The following CASZ1 variants were observed in gnomAD, a reference collection of about 807,000 sequenced individuals.
CASZ1 encodes zinc finger protein castor homolog 1.
CASZ1 carries 28 observed loss-of-function variants against 135.2 expected under a neutral mutation model. The ratio of observed to expected loss-of-function variants is 0.21; its 90% CI spans 0.15 to 0.28. The LOEUF (loss-of-function observed/expected upper bound fraction) is 0.28, where lower values mean the gene tolerates loss of function less well. Ranked by LOEUF, CASZ1 falls within the 10% of genes least tolerant of loss-of-function variation. The probability of loss-of-function intolerance (pLI) is 1.00; values close to 1 mark genes in which losing one functional copy is unlikely to be tolerated. For synonymous variants in CASZ1, 1,068 were observed against 1,073.4 expected, an observed-to-expected ratio of 0.99 and a Z score of 0.10; for missense variants, 2,161 against 2,453.3, an observed-to-expected ratio of 0.88 and a Z score of 2.52.
At chr1:10,731,206 C>G (rs1328302711) in intron 2 of CASZ1, among the ~76,000 whole-genome samples, 1 of 152,194 alleles carries the variant, frequency 6.6e-6, no homozygotes. Flanking sequence ...GTTACAAAGT[C>G]TCACATCAGG....
chr1:10,670,363 C>T (rs1643361900), intron 4 of CASZ1, among the ~76,000 whole-genome samples: 1 of 152,206 alleles, frequency 6.6e-6, no homozygotes, highest in South Asian at 2.1e-4. Flanking sequence ...GCTCAGATGC[C>T]CAAGGTCATA....
intron 4 of CASZ1, among the ~76,000 whole-genome samples, chr1:10,687,351 C>G (rs1245666548): frequency 6.6e-6 from 1 of 152,216 alleles, no homozygotes; most frequent in Non-Finnish European, 1.5e-5. Flanking sequence ...AAGAGACAGC[C>G]CTCTTGGCTT....
rs201967373 is a variant in CASZ1 at position 10,734,319 on chromosome 1, GA to G, written c.-77+26381del. Among the ~76,000 whole-genome samples the G allele has an allele frequency of 4.4e-3, 624 of 141,970 alleles. 3 individuals carry two copies. The highest frequency in any genetic ancestry group is 0.011 in the South Asian group (49 of 4,488). 93.1% of individuals were successfully genotyped at this position (141,970 alleles called of 152,430 possible). A position where few individuals can be genotyped will look rare whatever the true frequency, so the allele number is the denominator to read the frequency against. On this transcript the variant is annotated intron_variant, in intron 2 of 20. Transcript: ENST00000377022. ...AATCCCATGGCCGTGCCCTCCCTTG[GA>G]AAAAAAAAAAATTCTAGGAAACAAA...
In CASZ1 at chr1:10,694,640, G is replaced by C. The variant is rs1239894274; in HGVS notation, c.-23-728C>G. On this transcript the variant is annotated intron_variant, in intron 3 of 20. Transcript: ENST00000377022. This position sits in a 1 kb window ranked among gnomAD's most constrained non-coding sequence, Gnocchi z 6.6. ...CCGCCGCCCGGTGCGCCCGCCCGCC[G>C]CCCGCCGCCCGGTGCCGGAGTGAAT... Among the ~76,000 whole-genome samples the C allele has an allele frequency of 7.0e-6, 1 of 142,562 alleles. No individual in the cohort carries two copies. Among genetic ancestry groups the C allele is most frequent in the East Asian group, 2.1e-4 (1 of 4,760 alleles). 93.5% of individuals were successfully genotyped at this position (142,562 alleles called of 152,430 possible).
chr1:10,656,544 T>G, intron 8 of CASZ1, 102 bp downstream of exon 8: 1 of 872,612 alleles, frequency 1.1e-6, no homozygotes, highest in Non-Finnish European at 1.8e-6. Context: ...GTGGTGCAAC[T>G]AGAACTAACC....
At position 10,693,497 on chromosome 1, in the gene CASZ1, C is replaced by CAAAAAAAAAAA. The variant is rs1172496673; in HGVS notation, c.16+366_16+376dup. The stretch of plus-strand genomic sequence containing the variant: ...GACACACAAAGATCTTTGCAGAGAA[C>CAAAAAAAAAAA]AAAAAAAAAAAAAAAAAAAAAAAAA... On this transcript the variant is annotated intron_variant, in intron 4 of 20. Coordinates refer to ENST00000377022, the MANE Select transcript of CASZ1 (RefSeq NM_001079843.3). 1.7e-4 allele frequency among the ~76,000 whole-genome samples: 4 copies of CAAAAAAAAAAA among 23,286 alleles called. 1 individual carries two copies. The highest frequency in any genetic ancestry group is 7.2e-4 in the African/African-American group (4 of 5,586). The allele number at this position is 23,286 out of a possible 152,430, so 15.3% of individuals were successfully genotyped here. A position where few individuals can be genotyped will look rare whatever the true frequency, so the allele number is the denominator to read the frequency against.
intron 2 of CASZ1, among the ~76,000 whole-genome samples, chr1:10,734,856 C>A (rs76387717): frequency 6.6e-6 from 1 of 151,952 alleles, no homozygotes; most frequent in Non-Finnish European, 1.5e-5. Context: ...TGGGGTGCCA[C>A]GGAGGATCTG....
At chr1:10,658,863 G>A (rs34593019) in intron 6 of CASZ1, among the ~76,000 whole-genome samples, 4,397 of 152,306 alleles carry the variant, frequency 0.029, 102 homozygotes, top group Non-Finnish European at 0.045. Context: ...AGCATTCAGG[G>A]AGCATCAGGA....
rs1638231809 is a variant in CASZ1, at chr1:10,676,588, G to A, written c.17-11017C>T. Among the ~76,000 whole-genome samples, 1 of 152,070 alleles carries A rather than the reference G, an allele frequency of 6.6e-6. No homozygotes were observed. The highest frequency in any genetic ancestry group is 1.5e-5 in the Non-Finnish European group (1 of 68,018). Reference sequence around the variant, plus strand: ...TCTCCATCTCTCTCTGTGCCTCGGTGGACCAACCTGCCTAGGGGTGCCCTG... The same window carrying A: ...TCTCCATCTCTCTCTGTGCCTCGGTAGACCAACCTGCCTAGGGGTGCCCTG... On this transcript the variant is annotated intron_variant, in intron 4 of 20. Transcript: ENST00000377022. This position sits in a 1 kb window ranked among gnomAD's most constrained non-coding sequence, Gnocchi z 4.5.
chr1:10,787,810 C>T (rs554514963), intron 1 of CASZ1, among the ~76,000 whole-genome samples: 4 of 152,314 alleles, frequency 2.6e-5, no homozygotes, highest in East Asian at 1.9e-4. Context: ...AGAATCCACC[C>T]GCCATTAACC....
intron 2 of CASZ1, among the ~76,000 whole-genome samples, chr1:10,733,054 G>C (rs948206407): frequency 6.6e-6 from 1 of 152,192 alleles, no homozygotes; most frequent in Non-Finnish European, 1.5e-5. Context: ...TGGCTCTAGA[G>C]CAGAGATGTG....
intron 4 of CASZ1, among the ~76,000 whole-genome samples, chr1:10,672,940 G>A (rs984271455): frequency 2.0e-5 from 3 of 152,142 alleles, no homozygotes; most frequent in African/African-American, 7.2e-5. Flanking sequence ...TTTTATTAGC[G>A]CGTGTGCCTG....
At chr1:10,675,823 G>C (rs973582488) in intron 4 of CASZ1, among the ~76,000 whole-genome samples, 3 of 125,976 alleles carry the variant, frequency 2.4e-5, no homozygotes, top group African/African-American at 7.1e-5. Context: ...AAGGGAGAAA[G>C]TGGCCAGCTT....
At chr1:10,649,540 A>C (rs1015076811) in intron 13 of CASZ1, 103 bp from the exon 14 acceptor site, 2 of 1,316,236 alleles carry the variant, frequency 1.5e-6, no homozygotes, top group African/African-American at 1.5e-5. Context: ...GGACCCACCC[A>C]GCCCTCAGAG....
intron 2 of CASZ1, among the ~76,000 whole-genome samples, chr1:10,708,968 GGGA>G (rs1283021521): frequency 8.5e-4 from 88 of 103,648 alleles, no homozygotes; most frequent in East Asian, 4.6e-3. Flanking sequence ...ATGGAGGACG[GGGA>G]GGGGGGGGGC....
intron 2 of CASZ1, among the ~76,000 whole-genome samples, chr1:10,729,680 T>G (rs1374886032): frequency 6.6e-6 from 1 of 152,222 alleles, no homozygotes; most frequent in Non-Finnish European, 1.5e-5. Context: ...CGTGGGGACA[T>G]TACGCTGACA....
chr1:10,664,365 G>A (rs534708787), intron 5 of CASZ1, among the ~76,000 whole-genome samples: 6 of 148,706 alleles, frequency 4.0e-5, no homozygotes, highest in East Asian at 2.1e-4. Flanking sequence ...AGCAGAAGGC[G>A]CGCAGGGCTG....
intron 4 of CASZ1, among the ~76,000 whole-genome samples, chr1:10,691,403 T>C (rs988118855): frequency 3.3e-5 from 5 of 152,142 alleles, no homozygotes; most frequent in Admixed American, 6.5e-5. Flanking sequence ...AAGGCTTGGC[T>C]CTCCCACCAC....
chr1:10,724,786 G>A lies in CASZ1; in HGVS notation c.-76-19242C>T, dbSNP rs1308530950. Among the ~76,000 whole-genome samples, 2 of 152,232 alleles carry A rather than the reference G, an allele frequency of 1.3e-5. No individual in the cohort carries two copies. The highest frequency in any genetic ancestry group is 2.9e-5 in the Non-Finnish European group (2 of 68,024). ...GCAAGGCGGGGAAGAGGAGGCAGAG[G>A]AAGGCAGGTGGGGGGCTGGCTGGGA... On this transcript the variant is annotated intron_variant, in intron 2 of 20. Transcript: ENST00000377022. The surrounding 1 kb of genome is among the most constrained non-coding windows in gnomAD (Gnocchi z 4.1).
Sources: gnomAD v4.1 joint callset for allele counts (sites outside exome capture counted in the v4.1 genomes callset) on GRCh38, gnomAD v4.1.1 for gene constraint, Gnocchi (gnomAD v3.1) non-coding constraint, MANE v1.5 for transcripts, NCBI Gene and HGNC (gene_info 2026-07-23, HGNC 2026-07-21) for gene names.